Variants in TNR observed in about 807,000 individuals in gnomAD.
TNR encodes the protein tenascin-R.
A neutral mutation model predicts 150.4 loss-of-function variants in TNR; 45 were observed. The observed-to-expected ratio is 0.30, with a 90% CI of 0.24 to 0.38. The LOEUF is 0.38. Among genes scored for constraint, TNR ranks in the 10% least tolerant of loss-of-function variants. The probability of loss-of-function intolerance (pLI) is 1.00; values close to 1 mark genes in which losing one functional copy is unlikely to be tolerated. For missense variants in TNR, 1,544 were observed against 1,759.1 expected (o/e 0.88, Z 2.19); for synonymous variants, 687 against 678.4 (o/e 1.01, Z -0.20).
intron 2 of TNR, among the ~76,000 whole-genome samples, chr1:175,453,407 C>G (rs548337234): frequency 2.0e-5 from 3 of 152,156 alleles, no homozygotes; most frequent in Non-Finnish European, 4.4e-5. Flanking sequence ...AACTGAGTCA[C>G]AGACTGCCAG....
chr1:175,571,359 A>C (rs1661861934), intron 1 of TNR, among the ~76,000 whole-genome samples: 1 of 152,198 alleles, frequency 6.6e-6, no homozygotes, highest in African/African-American at 2.4e-5. Flanking sequence ...TTATGTGCCA[A>C]ATCCTGTGTG....
At chr1:175,592,328 GC>G (rs1662832652) in intron 1 of TNR, among the ~76,000 whole-genome samples, 1 of 152,208 alleles carries the variant, frequency 6.6e-6, no homozygotes, top group African/African-American at 2.4e-5. Flanking sequence ...CTCTGATGCA[GC>G]CAGTGTTCCC....
chr1:175,374,787 G>T (rs1396880801), intron 9 of TNR, among the ~76,000 whole-genome samples: 2 of 152,202 alleles, frequency 1.3e-5, no homozygotes, highest in Non-Finnish European at 2.9e-5. Flanking sequence ...AGTGGGTAAG[G>T]GGTGCGATGA....
At chr1:175,734,058 C>A (rs1366047793) in intron 1 of TNR, among the ~76,000 whole-genome samples, 3 of 152,204 alleles carry the variant, frequency 2.0e-5, no homozygotes, top group African/African-American at 4.8e-5. Flanking sequence ...GAGAAGGGAA[C>A]AGGGCTCAAG....
intron 18 of TNR, among the ~76,000 whole-genome samples, chr1:175,343,400 G>A (rs1476804065): frequency 6.6e-6 from 1 of 152,148 alleles, no homozygotes; most frequent in South Asian, 2.1e-4. Context: ...TGGCTCACAG[G>A]TCTCAGGTAA....
intron 1 of TNR, among the ~76,000 whole-genome samples, chr1:175,546,423 C>T (rs1490742491): frequency 2.0e-5 from 3 of 152,132 alleles, no homozygotes; most frequent in Non-Finnish European, 4.4e-5. Flanking sequence ...GCAGAATTGC[C>T]GGCCATCTCA....
At chr1:175,575,613 G>A (rs1213671216) in intron 1 of TNR, among the ~76,000 whole-genome samples, 2 of 152,186 alleles carry the variant, frequency 1.3e-5, no homozygotes, top group Non-Finnish European at 2.9e-5. Flanking sequence ...AGGAGAGAGA[G>A]AGAGTGCCTC....
In TNR at chr1:175,317,104, T is replaced by G. The variant is rs1648868535; in HGVS notation, c.*6253A>C. ...GCCCTCCCTTCCCTCTTCTATAAAA[T>G]GGTTAAACCTGACTTAAAGTTTATG... On this transcript the variant is annotated 3_prime_UTR_variant, in exon 23 of 23. Transcript: ENST00000367674. 1 of 152,248 alleles carries G rather than the reference T, an allele frequency of 6.6e-6. No homozygotes were observed. The highest frequency in any genetic ancestry group is 2.4e-5 in the African/African-American group (1 of 41,470). 9.4% of individuals were successfully genotyped at this position (152,248 alleles called of 1,614,324 possible).
chr1:175,330,356 T>G, intron 20 of TNR, 121 bp from the exon 21 acceptor site: 1 of 1,130,508 alleles, frequency 8.8e-7, no homozygotes, highest in South Asian at 2.0e-5. Context: ...CCAGATTGCT[T>G]TTGCTCTTGG....
intron 2 of TNR, among the ~76,000 whole-genome samples, chr1:175,423,429 G>A (rs1365447142): frequency 6.6e-6 from 1 of 152,158 alleles, no homozygotes; most frequent in Non-Finnish European, 1.5e-5. Flanking sequence ...CATTTGTGGT[G>A]CATCTTCTTG....
At chr1:175,715,050 A>T (rs1418797841) in intron 1 of TNR, among the ~76,000 whole-genome samples, 1 of 152,210 alleles carries the variant, frequency 6.6e-6, no homozygotes, top group Non-Finnish European at 1.5e-5. Flanking sequence ...GTGTGGTCCC[A>T]GGACCAGCAG....
At chr1:175,496,981 A>C (rs1658515290) in intron 2 of TNR, among the ~76,000 whole-genome samples, 2 of 152,178 alleles carry the variant, frequency 1.3e-5, no homozygotes, top group Admixed American at 1.3e-4. Context: ...CCTAGACTTC[A>C]AGTCATGCCT....
intron 2 of TNR, among the ~76,000 whole-genome samples, chr1:175,426,401 G>A (rs1290520998): frequency 1.3e-5 from 2 of 152,108 alleles, no homozygotes; most frequent in African/African-American, 4.8e-5. Flanking sequence ...TGCTTCCCAT[G>A]CCAGCCTCTG....
At chr1:175,724,185 T>G (rs1032009938) in intron 1 of TNR, among the ~76,000 whole-genome samples, 4 of 152,110 alleles carry the variant, frequency 2.6e-5, no homozygotes, top group African/African-American at 9.7e-5. Flanking sequence ...ACTGGGTAAT[T>G]TATAAAGAAA....
rs118040756 is a variant in TNR at position 175,630,302 on chromosome 1, G to A, written c.-164-101933C>T. ...AAGAGGAACTCTTGTCTTATCCCTAGAAGCTACAGATAAGTAAAGTCTTTT... is the reference window on the plus strand; with the variant it reads ...AAGAGGAACTCTTGTCTTATCCCTAAAAGCTACAGATAAGTAAAGTCTTTT... On this transcript the variant is annotated intron_variant, in intron 1 of 22. Coordinates refer to ENST00000367674, the MANE Select transcript of TNR (RefSeq NM_003285.3). 1.4e-3 allele frequency among the ~76,000 whole-genome samples: 209 copies of A among 152,332 alleles called. 4 individuals are homozygous for A. In the East Asian group the frequency reaches 0.033, roughly 24 times the overall value.
At chr1:175,580,279 T>C (rs1157697026) in intron 1 of TNR, among the ~76,000 whole-genome samples, 2 of 152,218 alleles carry the variant, frequency 1.3e-5, no homozygotes, top group Non-Finnish European at 2.9e-5. Context: ...CTACCTTTTT[T>C]GTATGCCCCG....
At chr1:175,459,263 T>A (rs957340838) in intron 2 of TNR, among the ~76,000 whole-genome samples, 1 of 152,016 alleles carries the variant, frequency 6.6e-6, no homozygotes, top group Admixed American at 6.6e-5. Flanking sequence ...ACCTCTACCA[T>A]CATTACTGAC....
At chr1:175,379,447 C>G in intron 9 of TNR, 105 bp downstream of exon 9, 1 of 973,732 alleles carries the variant, frequency 1.0e-6, no homozygotes, top group East Asian at 2.5e-5. Flanking sequence ...GAGATGAGAT[C>G]AATAGGAATT....
At chr1:175,436,994 C>G (rs1000485543) in intron 2 of TNR, among the ~76,000 whole-genome samples, 2 of 152,110 alleles carry the variant, frequency 1.3e-5, no homozygotes, top group African/African-American at 4.8e-5. Flanking sequence ...CAAGGATATC[C>G]AGGAATTGAA....
Sources: gnomAD v4.1 joint callset for allele counts (sites outside exome capture counted in the v4.1 genomes callset) on GRCh38, gnomAD v4.1.1 for gene constraint, MANE v1.5 for transcripts, NCBI Gene and HGNC (gene_info 2026-07-23, HGNC 2026-07-21) for gene names.